THSD7A: variants seen among roughly 807,000 people sequenced by gnomAD.
The protein encoded by THSD7A is thrombospondin type 1 domain containing 7A.
THSD7A carries 96 observed loss-of-function variants against 231.3 expected under a neutral mutation model. The ratio of observed to expected loss-of-function variants is 0.41; its 90% confidence interval spans 0.35 to 0.49. The LOEUF (loss-of-function observed/expected upper bound fraction) is 0.49. THSD7A is among the 20% of genes least tolerant of loss of function. The pLI, the probability that THSD7A is intolerant of heterozygous loss-of-function variation, is 0.05. For synonymous variants in THSD7A, 940 were observed against 743.3 expected (o/e 1.26, Z -4.30); for missense variants, 2,290 against 2,070.2 (o/e 1.11, Z -2.06).
chr7:11,388,594 C>T (rs1036652176), intron 23 of THSD7A, among the ~76,000 whole-genome samples: 14 of 151,912 alleles, frequency 9.2e-5, no homozygotes, highest in African/African-American at 1.5e-4. Context: ...CTTCTTTCTT[C>T]GTCTGGCTAG....
At chr7:11,749,710 C>T (rs57993664) in intron 1 of THSD7A, among the ~76,000 whole-genome samples, 4,963 of 151,868 alleles carry the variant, frequency 0.033, 285 homozygotes, top group African/African-American at 0.11. Flanking sequence ...CCAAGCATAC[C>T]GGGAGCTATC....
intron 4 of THSD7A, among the ~76,000 whole-genome samples, chr7:11,558,719 G>C (rs971647412): frequency 6.6e-6 from 1 of 152,252 alleles, no homozygotes; most frequent in South Asian, 2.1e-4. Flanking sequence ...TATCAAATAG[G>C]AGTAAAATTA....
At chr7:11,722,115 G>A (rs1781377329) in intron 1 of THSD7A, among the ~76,000 whole-genome samples, 1 of 151,800 alleles carries the variant, frequency 6.6e-6, no homozygotes. Context: ...CTCACAGTCT[G>A]GCTGTCCTTG....
chr7:11,582,103 A>T (rs1006472430), intron 4 of THSD7A, among the ~76,000 whole-genome samples: 1 of 152,010 alleles, frequency 6.6e-6, no homozygotes, highest in African/African-American at 2.4e-5. Context: ...ATTTGGTATT[A>T]GATAGTCCGT....
At chr7:11,445,563 G>C (rs1214009791) in intron 13 of THSD7A, among the ~76,000 whole-genome samples, 1 of 151,748 alleles carries the variant, frequency 6.6e-6, no homozygotes, top group Non-Finnish European at 1.5e-5. Flanking sequence ...ATTCAATAGA[G>C]AATAAACGTT....
chr7:11,593,384 A>G lies in THSD7A; in HGVS notation c.1141T>C (p.Ser381Pro). 1 of 1,614,012 alleles carries G rather than the reference A, an allele frequency of 6.2e-7. No homozygotes were observed. The highest frequency in any genetic ancestry group is 8.5e-7 in the Non-Finnish European group (1 of 1,179,898). ...PCSKTCHDMV[S>P]PAGTRVRTRT... The stretch of plus-strand genomic sequence containing the variant: ...GTCCTTACACGAGTGCCTGCAGGGG[A>G]CACCATGTCATGGCATGTTTTTGAG... The change falls in exon 3 of 28, where the codon TCC (serine) becomes CCC (proline). Residue 381 changes from serine to proline, a missense_variant. Physicochemically the swap from Ser to Pro is moderately conservative, Grantham distance 74 (BLOSUM62 -1). Coordinates refer to ENST00000423059, the MANE Select transcript of THSD7A (RefSeq NM_015204.3).
At chr7:11,693,426 T>C (rs556143633) in intron 1 of THSD7A, among the ~76,000 whole-genome samples, 28 of 151,656 alleles carry the variant, frequency 1.8e-4, no homozygotes, top group African/African-American at 6.7e-4. Flanking sequence ...GTCTACAAAT[T>C]GTAATTTAAA....
intron 1 of THSD7A, among the ~76,000 whole-genome samples, chr7:11,679,599 C>T (rs1485569543): frequency 6.6e-6 from 1 of 152,044 alleles, no homozygotes; most frequent in Non-Finnish European, 1.5e-5. Context: ...TTCACAATTG[C>T]TACAAAGAGA....
At chr7:11,420,103 C>T (rs187903852) in intron 16 of THSD7A, among the ~76,000 whole-genome samples, 83 of 152,218 alleles carry the variant, frequency 5.5e-4, no homozygotes, top group African/African-American at 1.9e-3. Flanking sequence ...AGCCCCACCA[C>T]GTGGTAGAAA....
In THSD7A at chr7:11,537,321, C is replaced by T. The variant is rs1231088174; in HGVS notation, c.1822+4098G>A. Among the ~76,000 whole-genome samples, 8 of 152,218 alleles carry T rather than the reference C, an allele frequency of 5.3e-5. No individual in the cohort carries two copies. The South Asian group carries it at 6.2e-4, about 12-fold the overall frequency. On this transcript the variant is annotated intron_variant, in intron 6 of 27. Transcript: ENST00000423059. Reference sequence around the variant, plus strand: ...CAATGATATAGTTTGGATATGTGTCCCCACTAAATCTTATATTGAAATGTA... The same window carrying T: ...CAATGATATAGTTTGGATATGTGTCTCCACTAAATCTTATATTGAAATGTA...
intron 16 of THSD7A, among the ~76,000 whole-genome samples, chr7:11,421,503 T>C (rs1784141410): frequency 6.6e-6 from 1 of 152,206 alleles, no homozygotes; most frequent in Admixed American, 6.5e-5. Context: ...TAAATTAGTC[T>C]CAGGAAGTTC....
rs551952164 is a variant in THSD7A at position 11,510,867 on chromosome 7, C to T, written c.1823-28885G>A. On this transcript the variant is annotated intron_variant, in intron 6 of 27. Coordinates refer to ENST00000423059, the MANE Select transcript of THSD7A (RefSeq NM_015204.3). ...AAACTGGAAGCATTCCCTTTGAAAA[C>T]TGGCACAAGACAGGGATGCCCTCTC... Among the ~76,000 whole-genome samples, 378 of 152,186 alleles carry T rather than the reference C, an allele frequency of 2.5e-3. 3 individuals are homozygous for T. The highest frequency in any genetic ancestry group is 8.6e-3 in the African/African-American group (356 of 41,522).
chr7:11,399,925 T>G (rs1432315575), intron 23 of THSD7A, among the ~76,000 whole-genome samples: 1 of 151,978 alleles, frequency 6.6e-6, no homozygotes, highest in Middle Eastern at 3.2e-3. Flanking sequence ...TGTCCATCAA[T>G]GATAGACTGG....
intron 6 of THSD7A, among the ~76,000 whole-genome samples, chr7:11,519,083 G>A (rs779734781): frequency 6.6e-6 from 1 of 152,000 alleles, no homozygotes; most frequent in Non-Finnish European, 1.5e-5. Flanking sequence ...CTAGATAAAT[G>A]ACTTTTTTCC....
At position 11,401,847 on chromosome 7, in the gene THSD7A, T is replaced by G. The variant is rs200544925; in HGVS notation, c.4359A>C (p.Leu1453=). The change falls in exon 23 of 28, where the codon CTA becomes CTC. Residue 1453 remains leucine, a synonymous_variant. Transcript: ENST00000423059. The part of the protein sequence containing the change: ...VRSRPVIIQE[L]ENQHLCPEQM... The stretch of plus-strand genomic sequence containing the variant: ...GCTCTGGGCACAGATGCTGATTCTC[T>G]AGTTCTTGTATAATCACCGGTCTGG... 9.3e-6 allele frequency: 15 copies of G among 1,613,940 alleles called. No homozygotes were observed. Among genetic ancestry groups the G allele is most frequent in the Non-Finnish European group, 1.2e-5 (14 of 1,179,834 alleles).
intron 6 of THSD7A, among the ~76,000 whole-genome samples, chr7:11,513,333 A>T (rs1015881625): frequency 1.5e-5 from 2 of 133,156 alleles, no homozygotes; most frequent in South Asian, 2.4e-4. Context: ...AATAAAAAAT[A>T]AAAAATAGCA....
chr7:11,656,000 T>A (rs1322999406), intron 1 of THSD7A, among the ~76,000 whole-genome samples: 2 of 151,898 alleles, frequency 1.3e-5, no homozygotes, highest in Non-Finnish European at 2.9e-5. Flanking sequence ...CACCTCTGAA[T>A]TCTTCCCGAT....
chr7:11,493,852 T>G (rs956938148), intron 6 of THSD7A, among the ~76,000 whole-genome samples: 1 of 152,010 alleles, frequency 6.6e-6, no homozygotes. Context: ...GGTTGCCTAA[T>G]AGAAACCTTT....
intron 7 of THSD7A, 69 bp downstream of exon 7, chr7:11,481,719 G>A: frequency 7.0e-7 from 1 of 1,427,054 alleles, no homozygotes; most frequent in Non-Finnish European, 9.4e-7. Flanking sequence ...ATCTTTTCCA[G>A]GCTACACAAA....
Sources: allele counts gnomAD v4.1 joint callset (sites outside exome capture counted in the v4.1 genomes callset), GRCh38; gene constraint gnomAD v4.1.1; transcripts MANE v1.5; gene names NCBI Gene and HGNC (gene_info 2026-07-23, HGNC 2026-07-21).